The following PACSIN2 variants were observed in gnomAD, a reference collection of about 807,000 sequenced individuals.
PACSIN2 encodes protein kinase C and casein kinase substrate in neurons 2.
PACSIN2 carries 25 observed loss-of-function variants against 63.8 expected under a neutral mutation model. The observed-to-expected ratio is 0.39, with a 90% CI of 0.29 to 0.55. The LOEUF is 0.55. PACSIN2 is among the 20% of genes least tolerant of loss of function. The pLI is 0.62. For synonymous variants in PACSIN2, 255 were observed against 256.2 expected (o/e 1.00, Z 0.05); for missense variants, 518 against 646.9 (o/e 0.80, Z 2.16).
chr22:42,886,068 AAT>A (rs978895540), intron 5 of PACSIN2, among the ~76,000 whole-genome samples: 59 of 152,186 alleles, frequency 3.9e-4, no homozygotes, highest in East Asian at 1.9e-4. Flanking sequence ...TTCAAGACAC[AAT>A]AGCCTCCCGG....
Position 42,876,885 on chromosome 22 carries a change from A to G in PACSIN2, c.1151+3T>C. The G allele has an allele frequency of 1.9e-6, 3 of 1,614,102 alleles. No individual in the cohort carries two copies. Among genetic ancestry groups the G allele is most frequent in the Non-Finnish European group, 2.5e-6 (3 of 1,180,008 alleles). On this transcript the variant is annotated splice_donor_region_variant and intron_variant, in intron 9 of 10. Transcript: ENST00000263246. ...GGAGCAGAGGAAGCATTTGTTCACC[A>G]ACTTTTTGGCCTTAGTGTCGTCCTT...
intron 1 of PACSIN2, among the ~76,000 whole-genome samples, chr22:42,950,028 C>CATGA: frequency 6.6e-6 from 1 of 152,320 alleles, no homozygotes; most frequent in Non-Finnish European, 1.5e-5. Context: ...CTCAGCCCTT[C>CATGA]ATACCCAAGG....
intron 2 of PACSIN2, among the ~76,000 whole-genome samples, chr22:42,898,169 G>A (rs1930419087): frequency 1.3e-5 from 2 of 152,106 alleles, no homozygotes; most frequent in South Asian, 2.1e-4. Flanking sequence ...GAGGATGCGG[G>A]GACAAAGGTC....
At chr22:42,899,954 G>A (rs757704523) in intron 2 of PACSIN2, among the ~76,000 whole-genome samples, 1 of 152,214 alleles carries the variant, frequency 6.6e-6, no homozygotes, top group Non-Finnish European at 1.5e-5. Flanking sequence ...GAAATGGGGA[G>A]GGGGCCTAGG....
intron 1 of PACSIN2, among the ~76,000 whole-genome samples, chr22:42,922,760 G>C (rs536525813): frequency 1.1e-3 from 172 of 152,324 alleles, no homozygotes; most frequent in Middle Eastern, 3.4e-3. Context: ...TTCTAAGCTG[G>C]GGGAGGGGCA....
At chr22:42,914,914 T>C (rs978231730) in intron 1 of PACSIN2, among the ~76,000 whole-genome samples, 5 of 152,140 alleles carry the variant, frequency 3.3e-5, no homozygotes, top group African/African-American at 1.2e-4. Context: ...CAAGCTGGAG[T>C]GCAGTGGCAT....
rs1281119148 is a variant in PACSIN2, at chr22:42,891,180, G to A, written c.220C>T (p.Pro74Ser). 2 of 1,610,674 alleles carry A rather than the reference G, an allele frequency of 1.2e-6. No homozygotes were observed. Among genetic ancestry groups the A allele is most frequent in the East Asian group, 4.5e-5 (2 of 44,874 alleles). ...RRWRQLVEKG[P>S]QYGTVEKAWM... Reference sequence around the variant, plus strand: ...GCCTTCTCCACGGTCCCGTACTGGGGCCCTGTGCAGGGGAGAGAAGCTGCG... The same window carrying A: ...GCCTTCTCCACGGTCCCGTACTGGGACCCTGTGCAGGGGAGAGAAGCTGCG... The change falls in exon 4 of 11, where the codon CCC becomes TCC. Residue 74 changes from proline (P) to serine (S), a missense_variant and splice_region_variant. Pro to Ser is a moderately conservative substitution (Grantham distance 74, BLOSUM62 -1). Transcript: ENST00000263246.
At chr22:42,882,094 A>G in intron 7 of PACSIN2, 90 bp downstream of exon 7, 1 of 1,436,322 alleles carries the variant, frequency 7.0e-7, no homozygotes. Flanking sequence ...ACTAACATAG[A>G]GTCTAGAATG....
intron 4 of PACSIN2, among the ~76,000 whole-genome samples, chr22:42,890,666 G>A (rs191764738): frequency 6.6e-6 from 1 of 152,344 alleles, no homozygotes; most frequent in Non-Finnish European, 1.5e-5. Context: ...AGTGAGCTGA[G>A]ATTGCACCAC....
At chr22:42,873,559 C>G (rs923287202) in intron 10 of PACSIN2, among the ~76,000 whole-genome samples, 1 of 152,126 alleles carries the variant, frequency 6.6e-6, no homozygotes, top group Non-Finnish European at 1.5e-5. Context: ...CCTGCTGAGT[C>G]AGGGGTTGGG....
intron 1 of PACSIN2, among the ~76,000 whole-genome samples, chr22:42,943,941 T>G (rs1043426052): frequency 2.6e-5 from 4 of 152,198 alleles, no homozygotes; most frequent in African/African-American, 9.7e-5. Flanking sequence ...AGAGCTGATA[T>G]GAAGACAGAG....
chr22:42,935,060 T>C lies in PACSIN2; in HGVS notation c.-77-22903A>G, dbSNP rs944685000. ...CCTCCTGAGTAGCTAGGACTACAGG[T>C]GCCCGCCACCGCGCCCGGCTAATTT... On this transcript the variant is annotated intron_variant, in intron 1 of 10. Coordinates refer to ENST00000263246, the MANE Select transcript of PACSIN2 (RefSeq NM_001184970.3). Among the ~76,000 whole-genome samples, 368 of 151,272 alleles carry C rather than the reference T, an allele frequency of 2.4e-3. 1 individual carries two copies. Among genetic ancestry groups the C allele is most frequent in the African/African-American group, 8.5e-3 (349 of 41,234 alleles).
intron 2 of PACSIN2, among the ~76,000 whole-genome samples, chr22:42,903,445 G>C (rs1930843518): frequency 6.6e-6 from 1 of 152,184 alleles, no homozygotes; most frequent in African/African-American, 2.4e-5. Flanking sequence ...ACACCAAAGA[G>C]TAACAGGGGT....
chr22:42,981,383 G>A (rs1242538080), intron 1 of PACSIN2, among the ~76,000 whole-genome samples: 17 of 137,426 alleles, frequency 1.2e-4, no homozygotes, highest in Non-Finnish European at 2.2e-4. Flanking sequence ...CCGACCAGCC[G>A]CCCCGTCCGG....
chr22:42,931,054 A>T (rs903378645), intron 1 of PACSIN2, among the ~76,000 whole-genome samples: 8 of 152,258 alleles, frequency 5.3e-5, no homozygotes, highest in African/African-American at 1.9e-4. Flanking sequence ...TCATTCACTC[A>T]TTCATTCGCT....
intron 1 of PACSIN2, among the ~76,000 whole-genome samples, chr22:42,985,275 C>T (rs904983998): frequency 1.7e-4 from 26 of 152,310 alleles, no homozygotes; most frequent in Admixed American, 4.6e-4. Flanking sequence ...TGCAGTGAGC[C>T]GAGATCTCAT....
At chr22:42,905,781 G>C (rs1931033407) in intron 2 of PACSIN2, among the ~76,000 whole-genome samples, 1 of 152,226 alleles carries the variant, frequency 6.6e-6, no homozygotes. Flanking sequence ...AGTGCTCCTG[G>C]TGGGTGGATG....
chr22:42,951,902 C>A (rs1195973104), intron 1 of PACSIN2, among the ~76,000 whole-genome samples: 1 of 152,204 alleles, frequency 6.6e-6, no homozygotes, highest in Non-Finnish European at 1.5e-5. Flanking sequence ...TGTGGTTCTC[C>A]AGATGCACCA....
At chr22:43,009,863 CTATTTTTT>C (rs143726243) in intron 1 of PACSIN2, among the ~76,000 whole-genome samples, 40,712 of 131,242 alleles carry the variant, frequency 0.31, 5,972 homozygotes, top group Non-Finnish European at 0.39. Flanking sequence ...TTTATTTTTT[CTATTTTTT>C]TTTTTTTTTT....
Sources: gnomAD v4.1 joint callset for allele counts (sites outside exome capture counted in the v4.1 genomes callset) on GRCh38, gnomAD v4.1.1 for gene constraint, MANE v1.5 for transcripts, NCBI Gene and HGNC (gene_info 2026-07-23, HGNC 2026-07-21) for gene names.